The following PRKN variants were observed in gnomAD, a reference collection of about 807,000 sequenced individuals.
PRKN encodes the protein parkin RBR E3 ubiquitin protein ligase.
A neutral mutation model predicts 59.5 loss-of-function variants in PRKN; 56 were observed. The observed-to-expected ratio is 0.94, with a 90% CI of 0.76 to 1.18. PRKN has a LOEUF of 1.18. Ranked by LOEUF, PRKN falls within the 50% of genes most tolerant of loss-of-function variation. The probability of loss-of-function intolerance (pLI) is 0.00; values close to 1 mark genes in which losing one functional copy is unlikely to be tolerated. For missense variants in PRKN, 657 were observed against 596.4 expected (o/e 1.10, Z -1.06); for synonymous variants, 250 against 222.1 (o/e 1.13, Z -1.12).
intron 6 of PRKN, among the ~76,000 whole-genome samples, chr6:161,926,273 AC>A (rs1405306121): frequency 6.6e-6 from 1 of 152,144 alleles, no homozygotes; most frequent in Non-Finnish European, 1.5e-5. Context: ...ATACCTAAAT[AC>A]GCAGGTCAAG....
chr6:161,852,681 T>C (rs531650973), intron 6 of PRKN, among the ~76,000 whole-genome samples: 104 of 152,316 alleles, frequency 6.8e-4, no homozygotes, highest in Non-Finnish European at 1.3e-3. Flanking sequence ...CTGAGCTTTT[T>C]TGAAGAAACA....
At chr6:161,970,323 G>C (rs1562427208) in intron 6 of PRKN, among the ~76,000 whole-genome samples, 1 of 151,844 alleles carries the variant, frequency 6.6e-6, no homozygotes, top group Non-Finnish European at 1.5e-5. Context: ...TTACAGGCAT[G>C]AGCTGCCACG....
chr6:161,628,581 C>T (rs1403889777), intron 7 of PRKN, among the ~76,000 whole-genome samples: 1 of 152,156 alleles, frequency 6.6e-6, no homozygotes, highest in Non-Finnish European at 1.5e-5. Context: ...AGTGGGTAAA[C>T]ATTTAGTGCT....
At chr6:162,400,949 G>T (rs1336729546) in intron 2 of PRKN, among the ~76,000 whole-genome samples, 1 of 152,020 alleles carries the variant, frequency 6.6e-6, no homozygotes, top group Non-Finnish European at 1.5e-5. Context: ...ATTATTTTAA[G>T]CAATTCTTGA....
chr6:161,638,231 G>A (rs1006566421), intron 7 of PRKN, among the ~76,000 whole-genome samples: 1 of 151,640 alleles, frequency 6.6e-6, no homozygotes, highest in Non-Finnish European at 1.5e-5. Flanking sequence ...CTGCTGGGTT[G>A]AAGCCATTCT....
intron 1 of PRKN, among the ~76,000 whole-genome samples, chr6:162,620,901 T>C (rs1312475066): frequency 6.6e-6 from 1 of 152,116 alleles, no homozygotes; most frequent in Non-Finnish European, 1.5e-5. Flanking sequence ...TGATTAAAAG[T>C]TGGGAATAGA....
intron 1 of PRKN, among the ~76,000 whole-genome samples, chr6:162,474,973 A>G (rs974662265): frequency 1.3e-5 from 2 of 152,162 alleles, no homozygotes; most frequent in African/African-American, 4.8e-5. Flanking sequence ...AATGAAATCG[A>G]TTTTTTAATT....
In PRKN at chr6:161,544,365, C is replaced by T. The variant is rs1262992755; in HGVS notation, c.1083+4489G>A. Among the ~76,000 whole-genome samples the T allele has an allele frequency of 5.3e-5, 8 of 152,122 alleles. No homozygotes were observed. Among genetic ancestry groups the T allele is most frequent in the East Asian group, 1.9e-4 (1 of 5,182 alleles). On this transcript the variant is annotated intron_variant, in intron 9 of 11. Transcript: ENST00000366898. This position sits in a 1 kb window ranked among gnomAD's most constrained non-coding sequence, Gnocchi z 5.5. ...TTGTATAAGTATATAAAGGTGCTTA[C>T]GTATTTTTCAAAGAGCTCTTTGTTG...
At chr6:162,061,412 C>T (rs1778100398) in intron 4 of PRKN, among the ~76,000 whole-genome samples, 2 of 152,148 alleles carry the variant, frequency 1.3e-5, no homozygotes, top group Non-Finnish European at 2.9e-5. Flanking sequence ...AAAAACTGAG[C>T]AGTAAGAAGC....
At chr6:161,875,704 G>A (rs899300975) in intron 6 of PRKN, among the ~76,000 whole-genome samples, 3 of 152,092 alleles carry the variant, frequency 2.0e-5, no homozygotes, top group South Asian at 2.1e-4. Context: ...AGTATTTCAC[G>A]TGGGACCCCA....
chr6:162,520,880 T>A (rs78535625), intron 1 of PRKN, among the ~76,000 whole-genome samples: 1 of 152,110 alleles, frequency 6.6e-6, no homozygotes, highest in East Asian at 1.9e-4. Context: ...ACAGCTCAAA[T>A]AGTATGAGCA....
chr6:161,692,686 T>G (rs1277223434), intron 7 of PRKN, among the ~76,000 whole-genome samples: 1 of 152,090 alleles, frequency 6.6e-6, no homozygotes, highest in African/African-American at 2.4e-5. Context: ...GGGCGGATCA[T>G]TTGAGGTCGA....
chr6:162,343,692 G>GGT (rs35443956), intron 2 of PRKN, among the ~76,000 whole-genome samples: 20,683 of 151,794 alleles, frequency 0.14, 1,564 homozygotes, highest in African/African-American at 0.17. Flanking sequence ...TCATGGAAGG[G>GGT]GTGTGTGTGT....
intron 6 of PRKN, among the ~76,000 whole-genome samples, chr6:161,895,924 G>A (rs191292869): frequency 5.1e-4 from 78 of 152,276 alleles, no homozygotes; most frequent in Middle Eastern, 3.4e-3. Flanking sequence ...CCCAGACGAA[G>A]GGAGCTGGAA....
At chr6:161,888,315 G>T (rs1305777978) in intron 6 of PRKN, among the ~76,000 whole-genome samples, 1 of 152,084 alleles carries the variant, frequency 6.6e-6, no homozygotes, top group African/African-American at 2.4e-5. Flanking sequence ...AACAGCTTCT[G>T]CAGCCCTCCT....
chr6:162,318,396 T>G (rs951538952), intron 2 of PRKN, among the ~76,000 whole-genome samples: 7 of 152,058 alleles, frequency 4.6e-5, no homozygotes, highest in Admixed American at 1.3e-4. Context: ...TGATGGACAT[T>G]TAGCTACTAT....
At chr6:161,777,908 G>GTATATATATA (rs1242912497) in intron 7 of PRKN, among the ~76,000 whole-genome samples, 138 of 143,776 alleles carry the variant, frequency 9.6e-4, no homozygotes, top group Non-Finnish European at 1.6e-3. Flanking sequence ...ACATATATAT[G>GTATATATATA]TGTATATATA....
intron 1 of PRKN, among the ~76,000 whole-genome samples, chr6:162,681,700 T>C (rs138427127): frequency 1.3e-5 from 2 of 152,282 alleles, no homozygotes; most frequent in East Asian, 1.9e-4. Flanking sequence ...AATCAGATGT[T>C]TGCACAGGTG....
intron 2 of PRKN, among the ~76,000 whole-genome samples, chr6:162,279,593 T>C (rs1015158324): frequency 2.6e-5 from 4 of 152,148 alleles, no homozygotes; most frequent in African/African-American, 9.7e-5. Flanking sequence ...TGAGGAGTGT[T>C]TTACTTCCAA....
Sources: allele counts gnomAD v4.1 joint callset (sites outside exome capture counted in the v4.1 genomes callset), GRCh38; gene constraint gnomAD v4.1.1; non-coding constraint Gnocchi (gnomAD v3.1); transcripts MANE v1.5; gene names NCBI Gene and HGNC (gene_info 2026-07-23, HGNC 2026-07-21).